The following TEX38 variants were observed in gnomAD, a reference collection of about 807,000 sequenced individuals.
TEX38 encodes the protein testis expressed 38, also known as testis-expressed protein 38.
A neutral mutation model predicts 2.7 loss-of-function variants in TEX38; 5 were observed. The ratio of observed to expected loss-of-function variants is 1.86; its 90% CI spans 0.97 to 3.90. The LOEUF is 3.90. Ranked by LOEUF, TEX38 falls within the 30% of genes most tolerant of loss-of-function variation. The probability of loss-of-function intolerance (pLI) is 0.00; values close to 1 mark genes in which losing one functional copy is unlikely to be tolerated. For synonymous variants in TEX38, 110 were observed against 103.3 expected (o/e 1.06, Z -0.39); for missense variants, 218 against 247.9 (o/e 0.88, Z 0.81).
chr1:46,669,188 C>A, upstream of TEX38: 1 of 314,862 alleles, frequency 3.2e-6, no homozygotes, highest in South Asian at 2.7e-5. Flanking sequence ...CAGGGCCAGT[C>A]CTGGAGTGGG....
At chr1:46,672,763 T>G in intron 1 of TEX38, 110 bp from the exon 2 acceptor site, 1 of 958,128 alleles carries the variant, frequency 1.0e-6, no homozygotes. Flanking sequence ...AGTAGTTAAG[T>G]GGATGGAGCG....
Position 46,671,981 on chromosome 1 carries a change from C to A in TEX38, c.37+10C>A. On this transcript the variant is annotated intron_variant, in intron 1 of 1. Transcript: ENST00000334122. ...CTGCGCTTCCCTGGGAGTAAGTGCTCCTCCAGTCCCTGTCACTGGACTTGT... is the reference window on the plus strand; with the variant it reads ...CTGCGCTTCCCTGGGAGTAAGTGCTACTCCAGTCCCTGTCACTGGACTTGT... The A allele has an allele frequency of 1.3e-6, 2 of 1,523,900 alleles. No individual in the cohort carries two copies. Among genetic ancestry groups the A allele is most frequent in the Non-Finnish European group, 1.8e-6 (2 of 1,131,570 alleles). 94.4% of individuals were successfully genotyped at this position (1,523,900 alleles called of 1,614,324 possible).
chr1:46,671,760 C>T (rs563814218), upstream of TEX38: 2 of 687,052 alleles, frequency 2.9e-6, no homozygotes, highest in Admixed American at 4.4e-5. Flanking sequence ...ACTTCACAAG[C>T]ACTGCCCCTA....
chr1:46,673,262 T>C lies in TEX38; in HGVS notation c.427T>C (p.Ser143Pro). Residue 143 changes from serine (S) to proline (P), a missense_variant, in exon 2 of 2, where the codon TCC becomes CCC. Ser to Pro is a moderately conservative substitution (Grantham distance 74, BLOSUM62 -1). Transcript: ENST00000334122. Reference sequence around the variant, plus strand: ...GGCTCCACAGCAGCCCCAGGCCAGATCCCCATTCCCACTTCCCATCTTTCA... The same window carrying C: ...GGCTCCACAGCAGCCCCAGGCCAGACCCCCATTCCCACTTCCCATCTTTCA... ...QLAPQQPQAR[S>P]PFPLPIFQEV... 6.4e-7 allele frequency: 1 copy of C among 1,551,534 alleles called. No homozygotes were observed. The highest frequency in any genetic ancestry group is 1.7e-4 in the Middle Eastern group (1 of 5,992).
chr1:46,671,745 G>C (rs1054017543), upstream of TEX38: 2 of 640,854 alleles, frequency 3.1e-6, no homozygotes, highest in Admixed American at 4.7e-5. Flanking sequence ...CATTAACCCA[G>C]GACCACTTCA....
chr1:46,671,213 C>A (rs1424215575), upstream of TEX38, among the ~76,000 whole-genome samples: 1 of 152,068 alleles, frequency 6.6e-6, no homozygotes. Context: ...CATGGGCACA[C>A]CTCCAGAGAT....
chr1:46,672,246 CTT>C (rs199795962), intron 1 of TEX38, among the ~76,000 whole-genome samples: 17 of 141,380 alleles, frequency 1.2e-4, no homozygotes, highest in Admixed American at 2.1e-4. Context: ...TGAACTTTCA[CTT>C]TTTTTTTTTT....
upstream of TEX38, chr1:46,669,470 A>C (rs1415375696): frequency 2.2e-6 from 1 of 456,084 alleles, no homozygotes; most frequent in South Asian, 1.5e-5. Context: ...CTAAGGGCTC[A>C]GTTCACATGT....
Position 46,671,903 on chromosome 1 carries a change from G to T in TEX38, c.-32G>T. The T allele has an allele frequency of 6.4e-7, 1 of 1,551,304 alleles. No individual in the cohort carries two copies. The highest frequency in any genetic ancestry group is 8.7e-7 in the Non-Finnish European group (1 of 1,146,724). On this transcript the variant is annotated 5_prime_UTR_variant, in exon 1 of 2. Transcript: ENST00000334122. ...TGGGTGGGTGAGTTCCCTCTCCCCA[G>T]AGCCATCGGCCAGGTACCAAAGCTC...
intron 1 of TEX38, 83 bp from the exon 2 acceptor site, chr1:46,672,790 A>G: frequency 1.6e-6 from 2 of 1,256,498 alleles, no homozygotes; most frequent in Non-Finnish European, 2.2e-6. Context: ...GCATGGGTTA[A>G]GTGAAAGAGG....
chr1:46,671,265 A>T (rs913606909), upstream of TEX38, among the ~76,000 whole-genome samples: 3 of 152,152 alleles, frequency 2.0e-5, no homozygotes, highest in African/African-American at 7.2e-5. Context: ...ACTAGGCAAA[A>T]GGGAAAAGTG....
chr1:46,673,133 G>T lies in TEX38; in HGVS notation c.298G>T (p.Asp100Tyr). The T allele has an allele frequency of 1.3e-6, 2 of 1,551,638 alleles. No individual in the cohort carries two copies. Among genetic ancestry groups the T allele is most frequent in the East Asian group, 2.4e-5 (1 of 40,910 alleles). Residue 100 changes from aspartate (D) to tyrosine (Y), a missense_variant, in exon 2 of 2, where the codon GAT (aspartate) becomes TAT (tyrosine). Physicochemically the swap from Asp to Tyr is radical, Grantham distance 160. Transcript: ENST00000334122. Reference sequence around the variant, plus strand: ...GACTGAGACTGAGGTCCAGAATCCAGATGTTCTGTGGGATTTGGACATCCC... The same window carrying T: ...GACTGAGACTGAGGTCCAGAATCCATATGTTCTGTGGGATTTGGACATCCC... The part of the protein sequence containing the change: ...TKTETEVQNP[D>Y]VLWDLDIPEG...
chr1:46,670,141 A>G (rs1676562455), upstream of TEX38, among the ~76,000 whole-genome samples: 1 of 152,224 alleles, frequency 6.6e-6, no homozygotes, highest in Non-Finnish European at 1.5e-5. Flanking sequence ...TGGGCAAACC[A>G]GGATGTTGGT....
rs1676588423 is a variant in TEX38 at position 46,671,899 on chromosome 1, C to T, written c.-36C>T. The T allele has an allele frequency of 1.3e-6, 2 of 1,551,088 alleles. No homozygotes were observed. Among genetic ancestry groups the T allele is most frequent in the African/African-American group, 2.7e-5 (2 of 73,044 alleles). On this transcript the variant is annotated 5_prime_UTR_variant, in exon 1 of 2. Coordinates refer to ENST00000334122, the MANE Select transcript of TEX38 (RefSeq NM_001145474.4). ...CAGATGGGTGGGTGAGTTCCCTCTC[C>T]CCAGAGCCATCGGCCAGGTACCAAA... is the stretch of plus-strand genomic sequence containing the variant.
rs763198126 is a variant in TEX38 at position 46,673,176 on chromosome 1, C to G, written c.341C>G (p.Ala114Gly). 11 of 1,551,486 alleles carry G rather than the reference C, an allele frequency of 7.1e-6. No homozygotes were observed. Among genetic ancestry groups the G allele is most frequent in the Non-Finnish European group, 9.6e-6 (11 of 1,146,838 alleles). The stretch of plus-strand genomic sequence containing the variant: ...GACATCCCCGAAGGCAGGAGCCATG[C>G]TGACCAAGACAGCAACCCCAAGGCG... ...DLDIPEGRSHADQDSNPKAEA... is the reference protein window; with the variant it reads ...DLDIPEGRSHGDQDSNPKAEA... Residue 114 changes from alanine (A) to glycine (G), a missense_variant, in exon 2 of 2, where the codon GCT becomes GGT. By Grantham distance (60) the Ala-to-Gly change is moderately conservative. Coordinates refer to ENST00000334122, the MANE Select transcript of TEX38 (RefSeq NM_001145474.4).
Position 46,671,893 on chromosome 1 carries a change from C to T in TEX38, c.-42C>T. The T allele has an allele frequency of 6.5e-7, 1 of 1,546,988 alleles. No individual in the cohort carries two copies. Among genetic ancestry groups the T allele is most frequent in the Non-Finnish European group, 8.8e-7 (1 of 1,142,822 alleles). ...GCTGGGCAGATGGGTGGGTGAGTTC[C>T]CTCTCCCCAGAGCCATCGGCCAGGT... On this transcript the variant is annotated 5_prime_UTR_variant, in exon 1 of 2. Coordinates refer to ENST00000334122, the MANE Select transcript of TEX38 (RefSeq NM_001145474.4).
Position 46,672,862 on chromosome 1 carries a change from T to C in TEX38, c.38-11T>C, listed in dbSNP as rs1288077967. 6.5e-7 allele frequency: 1 copy of C among 1,541,136 alleles called. No homozygotes were observed. The highest frequency in any genetic ancestry group is 8.8e-7 in the Non-Finnish European group (1 of 1,140,000). Reference sequence around the variant, plus strand: ...AGCCAGCATGCCTCTTTTTCTTTCTTGCTGCCTTAGTGTGGGTCTCATTGT... The same window carrying C: ...AGCCAGCATGCCTCTTTTTCTTTCTCGCTGCCTTAGTGTGGGTCTCATTGT... On this transcript the variant is annotated splice_polypyrimidine_tract_variant and intron_variant, in intron 1 of 1. Coordinates refer to ENST00000334122, the MANE Select transcript of TEX38 (RefSeq NM_001145474.4).
rs921299808 is a variant in TEX38 at position 46,672,824 on chromosome 1, A to G, written c.38-49A>G. ...GGAATGAGAAACAGCTCAGGCCCCA[A>G]GCTACAGCTATCAGCCAGCATGCCT... On this transcript the variant is annotated intron_variant, in intron 1 of 1. Coordinates refer to ENST00000334122, the MANE Select transcript of TEX38 (RefSeq NM_001145474.4). 9 of 1,490,650 alleles carry G rather than the reference A, an allele frequency of 6.0e-6. No individual in the cohort carries two copies. In the African/African-American group the frequency reaches 8.3e-5, roughly 14 times the overall value. The allele number at this position is 1,490,650 out of a possible 1,614,324, so 92.3% of individuals were successfully genotyped here. A position where few individuals can be genotyped will look rare whatever the true frequency, so the allele number is the denominator to read the frequency against.
At chr1:46,669,447 GCCT>G (rs949971762), upstream of TEX38, 1 of 455,952 alleles carries the variant, frequency 2.2e-6, no homozygotes, top group Non-Finnish European at 4.4e-6. Context: ...GCATGTGGCT[GCCT>G]CCTCATCATC....
Sources: gnomAD v4.1 joint callset for allele counts (sites outside exome capture counted in the v4.1 genomes callset) on GRCh38, gnomAD v4.1.1 for gene constraint, MANE v1.5 for transcripts, NCBI Gene and HGNC (gene_info 2026-07-23, HGNC 2026-07-21) for gene names.